Variants in PABPC4L observed in about 807,000 individuals in gnomAD.
The protein encoded by PABPC4L is poly(A) binding protein cytoplasmic 4 like, also known as polyadenylate-binding protein 4-like.
For missense variants in PABPC4L, 452 were observed against 451.4 expected (o/e 1.00, Z -0.01); for synonymous variants, 169 against 164.1 (o/e 1.03, Z -0.23).
the PABPC4L span, among the ~76,000 whole-genome samples, chr4:134,033,349 A>G: frequency 2.0e-5 from 3 of 151,824 alleles, no homozygotes; most frequent in Non-Finnish European, 2.9e-5. Context: ...TCCCTAAGAA[A>G]CAACAATATT....
At chr4:134,061,693 C>T in the PABPC4L span, among the ~76,000 whole-genome samples, 260 of 150,072 alleles carry the variant, frequency 1.7e-3, 12 homozygotes, top group East Asian at 0.046. Flanking sequence ...CCTCTGTATA[C>T]TTCAAAAGAG....
the PABPC4L span, among the ~76,000 whole-genome samples, chr4:134,183,484 G>GT: frequency 6.7e-6 from 1 of 148,900 alleles, no homozygotes; most frequent in African/African-American, 2.5e-5. Context: ...GAGGAAGAGG[G>GT]TAAAAAAAAA....
the PABPC4L span, among the ~76,000 whole-genome samples, chr4:133,955,752 C>T: frequency 6.6e-6 from 1 of 152,096 alleles, no homozygotes; most frequent in African/African-American, 2.4e-5. Context: ...ATTAACAGTG[C>T]CATAGTACTG....
the PABPC4L span, among the ~76,000 whole-genome samples, chr4:134,009,674 A>G: frequency 4.5e-4 from 69 of 152,032 alleles, no homozygotes; most frequent in African/African-American, 8.9e-4. Context: ...AAAACTTACC[A>G]TCTTTCTGAG....
the PABPC4L span, among the ~76,000 whole-genome samples, chr4:134,089,248 C>CT: frequency 5.9e-5 from 9 of 151,564 alleles, no homozygotes; most frequent in African/African-American, 2.2e-4. Flanking sequence ...TTTTTTAGTT[C>CT]TTTTTTAATA....
chr4:134,088,056 G>A, the PABPC4L span, among the ~76,000 whole-genome samples: 1 of 151,838 alleles, frequency 6.6e-6, no homozygotes, highest in East Asian at 1.9e-4. Context: ...GACCACCTAA[G>A]AGCTCAGGCC....
At chr4:134,094,733 G>A in the PABPC4L span, among the ~76,000 whole-genome samples, 1 of 151,412 alleles carries the variant, frequency 6.6e-6, no homozygotes, top group Non-Finnish European at 1.5e-5. Flanking sequence ...TAATATTAAA[G>A]GTAGCATTTT....
the PABPC4L span, among the ~76,000 whole-genome samples, chr4:134,097,110 C>T: frequency 6.6e-6 from 1 of 151,880 alleles, no homozygotes; most frequent in African/African-American, 2.4e-5. Flanking sequence ...ATTACCTGCC[C>T]TAGCCTATAC....
chr4:134,032,776 A>G, the PABPC4L span, among the ~76,000 whole-genome samples: 6 of 151,864 alleles, frequency 4.0e-5, no homozygotes, highest in Admixed American at 3.9e-4. Flanking sequence ...CAAGATTTAA[A>G]TCTTTAATTA....
chr4:134,018,805 A>C, the PABPC4L span, among the ~76,000 whole-genome samples: 1 of 152,162 alleles, frequency 6.6e-6, no homozygotes, highest in African/African-American at 2.4e-5. Context: ...GATTATGAGT[A>C]AAAAGTAGGA....
chr4:134,161,899 C>G, the PABPC4L span, among the ~76,000 whole-genome samples: 3 of 152,012 alleles, frequency 2.0e-5, no homozygotes, highest in Non-Finnish European at 4.4e-5. Context: ...ATAGAGTCAA[C>G]AAATAATTAA....
the PABPC4L span, among the ~76,000 whole-genome samples, chr4:134,172,279 A>C: frequency 6.6e-6 from 1 of 152,192 alleles, no homozygotes; most frequent in Admixed American, 6.5e-5. Context: ...CTACAAGCCT[A>C]TGGTAACCAA....
the PABPC4L span, among the ~76,000 whole-genome samples, chr4:133,997,092 C>T: frequency 1.3e-5 from 2 of 152,134 alleles, no homozygotes; most frequent in African/African-American, 2.4e-5. Context: ...TCCCACCACC[C>T]TGACCAATCT....
At chr4:134,144,206 G>A in the PABPC4L span, among the ~76,000 whole-genome samples, 2 of 151,488 alleles carry the variant, frequency 1.3e-5, no homozygotes, top group Admixed American at 1.3e-4. Flanking sequence ...ATCAGAATCA[G>A]TTGACACAAG....
chr4:134,133,095 ATT>A, the PABPC4L span, among the ~76,000 whole-genome samples: 1 of 16,898 alleles, frequency 5.9e-5, no homozygotes, highest in Non-Finnish European at 8.1e-5. Context: ...ATAATTATAT[ATT>A]ACATATAATT....
At position 134,199,702 on chromosome 4, in the gene PABPC4L, T is replaced by C; in HGVS notation, c.*205A>G. On this transcript the variant is annotated 3_prime_UTR_variant, in exon 2 of 2. Coordinates refer to ENST00000421491, the MANE Select transcript of PABPC4L (RefSeq NM_001114734.2). ...TGTGCAATATTAAAATTAGAAAATGTGCCTCTGTAAAATGAACTAAGCTCC... is the reference window on the plus strand; with the variant it reads ...TGTGCAATATTAAAATTAGAAAATGCGCCTCTGTAAAATGAACTAAGCTCC... 1.8e-6 allele frequency: 1 copy of C among 568,714 alleles called. No homozygotes were observed. The highest frequency in any genetic ancestry group is 3.0e-6 in the Non-Finnish European group (1 of 336,246). 35.2% of individuals were successfully genotyped at this position (568,714 alleles called of 1,614,324 possible).
chr4:133,965,672 A>T, the PABPC4L span, among the ~76,000 whole-genome samples: 5 of 152,168 alleles, frequency 3.3e-5, no homozygotes, highest in Non-Finnish European at 7.4e-5. Flanking sequence ...AAATACTTGC[A>T]GCCAACTGAT....
chr4:134,088,721 G>A, the PABPC4L span, among the ~76,000 whole-genome samples: 1 of 151,970 alleles, frequency 6.6e-6, no homozygotes, highest in Non-Finnish European at 1.5e-5. Context: ...CTGGCACCTT[G>A]ATATGGGGCT....
At chr4:133,948,576 T>C in the PABPC4L span, among the ~76,000 whole-genome samples, 1 of 152,188 alleles carries the variant, frequency 6.6e-6, no homozygotes, top group Non-Finnish European at 1.5e-5. Flanking sequence ...AATGAGAAGA[T>C]TGCTTTAGGG....
Sources: gnomAD v4.1 joint callset for allele counts (sites outside exome capture counted in the v4.1 genomes callset) on GRCh38, gnomAD v4.1.1 for gene constraint, MANE v1.5 for transcripts, NCBI Gene and HGNC (gene_info 2026-07-23, HGNC 2026-07-21) for gene names.